MATN2: variants seen among roughly 807,000 people sequenced by gnomAD.
MATN2 encodes matrilin 2, also known as matrilin-2.
Under a neutral mutation model 103.2 loss-of-function variants are expected in MATN2, and 69 were observed. The observed-to-expected ratio is 0.67, with a 90% CI of 0.55 to 0.82. The LOEUF (loss-of-function observed/expected upper bound fraction) is 0.82. Ranked by LOEUF, MATN2 falls within the 40% of genes least tolerant of loss-of-function variation. The probability of loss-of-function intolerance (pLI) is 0.00; values close to 1 mark genes in which losing one functional copy is unlikely to be tolerated. For synonymous variants in MATN2, 429 were observed against 450.2 expected (o/e 0.95, Z 0.60); for missense variants, 1,023 against 1,211.5 (o/e 0.84, Z 2.31).
rs754086233 is a variant in MATN2, at chr8:98,007,593, C to T, written c.1565C>T (p.Thr522Met). The change falls in exon 10 of 19, where the codon ACG becomes ATG. Residue 522 changes from threonine to methionine, a missense_variant. Physicochemically the swap from Thr to Met is moderately conservative, Grantham distance 81. Coordinates refer to ENST00000254898, the MANE Select transcript of MATN2 (RefSeq NM_002380.5). The surrounding 1 kb of genome is among the most constrained non-coding windows in gnomAD (Gnocchi z 4.2). ...CACGTGCTCCGCAGCGATGGGAAGACGTGTGCAAGTAAGTGTCTGAAGGAC... is the reference window on the plus strand; with the variant it reads ...CACGTGCTCCGCAGCGATGGGAAGATGTGTGCAAGTAAGTGTCTGAAGGAC... The part of the protein sequence containing the change: ...EGHVLRSDGK[T>M]CAKLDSCALG... 1.3e-5 allele frequency: 21 copies of T among 1,610,892 alleles called. No homozygotes were observed. The East Asian group carries it at 3.6e-4, about 27-fold the overall frequency.
chr8:98,036,001 T>C lies in MATN2; in HGVS notation c.*289T>C. 3.7e-6 allele frequency: 1 copy of C among 272,088 alleles called. No individual in the cohort carries two copies. Among genetic ancestry groups the C allele is most frequent in the East Asian group, 6.5e-5 (1 of 15,370 alleles). The allele number at this position is 272,088 out of a possible 1,614,324, so 16.9% of individuals were successfully genotyped here. On this transcript the variant is annotated 3_prime_UTR_variant, in exon 19 of 19. Coordinates refer to ENST00000254898, the MANE Select transcript of MATN2 (RefSeq NM_002380.5). ...ACTGTGGACACAACTTGCTTCTGCCTCATCCTGCCTTAGTGTGCAATCTCA... is the reference window on the plus strand; with the variant it reads ...ACTGTGGACACAACTTGCTTCTGCCCCATCCTGCCTTAGTGTGCAATCTCA...
intron 14 of MATN2, among the ~76,000 whole-genome samples, chr8:98,030,195 T>A (rs1188949684): frequency 2.6e-5 from 4 of 152,234 alleles, no homozygotes; most frequent in African/African-American, 4.8e-5. Context: ...AGTTGCAGAT[T>A]TGTTAAATGG....
chr8:97,906,828 A>G (rs1373415530), intron 2 of MATN2, among the ~76,000 whole-genome samples: 2 of 152,074 alleles, frequency 1.3e-5, no homozygotes, highest in Non-Finnish European at 2.9e-5. Context: ...TTAATTACAG[A>G]ATAGGTGTCT....
Position 98,030,583 on chromosome 8 carries a change from A to T in MATN2, c.2478A>T (p.Ile826=), listed in dbSNP as rs983980155. The T allele has an allele frequency of 5.0e-6, 8 of 1,614,028 alleles. No homozygotes were observed. Among genetic ancestry groups the T allele is most frequent in the Non-Finnish European group, 6.8e-6 (8 of 1,179,890 alleles). Residue 826 remains isoleucine (I), a synonymous_variant, in exon 15 of 19, where the codon ATA becomes ATT. Transcript: ENST00000254898. ...AAGACTTCAGCACAATGGATGAGAT[A>T]AGTGAAAAACTCAAGAAAGGCATCT... ...YAEDFSTMDE[I]SEKLKKGICE...
intron 2 of MATN2, among the ~76,000 whole-genome samples, chr8:97,899,268 C>T (rs1199532079): frequency 3.3e-5 from 5 of 152,144 alleles, no homozygotes; most frequent in African/African-American, 1.2e-4. Context: ...CGTCACTGTA[C>T]CAGCATAGCT....
Position 98,030,520 on chromosome 8 carries a change from T to C in MATN2, c.2415T>C (p.Ile805=). 6.2e-7 allele frequency: 1 copy of C among 1,613,910 alleles called. No homozygotes were observed. Among genetic ancestry groups the C allele is most frequent in the South Asian group, 1.1e-5 (1 of 91,076 alleles). Residue 805 remains isoleucine (I), a synonymous_variant, in exon 15 of 19, where the codon ATT becomes ATC. Transcript: ENST00000254898. ...CCATTGAGGAGGAACTACAAGAGATTGCCTCTGAGCCCACAAACAAGCATC... is the reference window on the plus strand; with the variant it reads ...CCATTGAGGAGGAACTACAAGAGATCGCCTCTGAGCCCACAAACAAGCATC... The part of the protein sequence containing the change: ...GKAIEEELQE[I]ASEPTNKHLF...
At chr8:97,966,477 G>A (rs1811483337) in intron 5 of MATN2, among the ~76,000 whole-genome samples, 2 of 151,816 alleles carry the variant, frequency 1.3e-5, no homozygotes, top group Admixed American at 1.3e-4. Flanking sequence ...GGGGTGGGAG[G>A]ATTGCTTGAG....
chr8:97,978,740 C>G lies in MATN2; in HGVS notation c.959-146C>G, dbSNP rs558379719. 4 of 736,926 alleles carry G rather than the reference C, an allele frequency of 5.4e-6. No individual in the cohort carries two copies. The African/African-American group carries it at 7.1e-5, about 13-fold the overall frequency. The allele number at this position is 736,926 out of a possible 1,614,324, so 45.6% of individuals were successfully genotyped here. A position where few individuals can be genotyped will look rare whatever the true frequency, so the allele number is the denominator to read the frequency against. On this transcript the variant is annotated intron_variant, in intron 5 of 18. Coordinates refer to ENST00000254898, the MANE Select transcript of MATN2 (RefSeq NM_002380.5). ...TGATTTTTTTTGAGGGGGGCAGAGA[C>G]CTTGGGTTCATAACTGTTTATCCTA...
intron 12 of MATN2, 163 bp from the exon 13 acceptor site, chr8:98,021,042 C>A: frequency 1.7e-6 from 1 of 585,780 alleles, no homozygotes; most frequent in Non-Finnish European, 2.9e-6. Context: ...GGAGCTTTTT[C>A]CCCATCCTGA....
intron 5 of MATN2, among the ~76,000 whole-genome samples, chr8:97,963,686 G>A (rs1811388802): frequency 6.6e-6 from 1 of 152,138 alleles, no homozygotes; most frequent in African/African-American, 2.4e-5. Flanking sequence ...TTTTCTCAGT[G>A]GGGATCCAAT....
chr8:97,926,008 C>T (rs1259394853), intron 2 of MATN2, among the ~76,000 whole-genome samples: 1 of 152,202 alleles, frequency 6.6e-6, no homozygotes, highest in Admixed American at 6.5e-5. Flanking sequence ...TCTGATGTTG[C>T]ACATTGTCAT....
chr8:97,934,699 A>G (rs977069070), intron 3 of MATN2, among the ~76,000 whole-genome samples: 1 of 152,186 alleles, frequency 6.6e-6, no homozygotes, highest in Non-Finnish European at 1.5e-5. Context: ...TAAAAGGGAG[A>G]GAGGGAGGGC....
At chr8:97,944,248 G>A (rs763062770) in intron 4 of MATN2, among the ~76,000 whole-genome samples, 2 of 152,200 alleles carry the variant, frequency 1.3e-5, no homozygotes, top group Admixed American at 6.5e-5. Context: ...TCAATGAACC[G>A]ACGAATGACT....
At chr8:97,933,084 A>T (rs964686011) in intron 3 of MATN2, among the ~76,000 whole-genome samples, 2 of 152,230 alleles carry the variant, frequency 1.3e-5, no homozygotes, top group Non-Finnish European at 2.9e-5. Flanking sequence ...ACTAACTTCA[A>T]AAAGCACAGA....
chr8:97,989,292 A>T (rs1405069832), intron 6 of MATN2, among the ~76,000 whole-genome samples: 1 of 152,012 alleles, frequency 6.6e-6, no homozygotes, highest in Non-Finnish European at 1.5e-5. Context: ...ACACGGTGAA[A>T]CCCCGTCTCT....
At chr8:97,994,400 T>C in intron 6 of MATN2, 80 bp from the exon 7 acceptor site, 2 of 1,487,008 alleles carry the variant, frequency 1.3e-6, no homozygotes, top group Non-Finnish European at 1.8e-6. Context: ...TTTGGGAAAA[T>C]GAAGACTGGA....
chr8:97,906,805 G>A (rs985101706), intron 2 of MATN2, among the ~76,000 whole-genome samples: 2 of 152,218 alleles, frequency 1.3e-5, no homozygotes, highest in East Asian at 3.9e-4. Flanking sequence ...AAATAACCCT[G>A]TGTATGTTTC....
chr8:97,945,462 G>A (rs949004931), intron 4 of MATN2, among the ~76,000 whole-genome samples: 1 of 151,974 alleles, frequency 6.6e-6, no homozygotes, highest in Non-Finnish European at 1.5e-5. Flanking sequence ...TGACCCTAGA[G>A]GACCCCGACA....
chr8:97,994,602 A>G lies in MATN2; in HGVS notation c.1204A>G (p.Arg402Gly), dbSNP rs1457793276. The G allele has an allele frequency of 8.1e-6, 13 of 1,609,906 alleles. No individual in the cohort carries two copies. Among genetic ancestry groups the G allele is most frequent in the Non-Finnish European group, 1.1e-5 (13 of 1,178,916 alleles). The change falls in exon 7 of 19, where the codon AGG becomes GGG. Residue 402 changes from arginine (R) to glycine (G), a missense_variant and splice_region_variant. Coordinates refer to ENST00000254898, the MANE Select transcript of MATN2 (RefSeq NM_002380.5). ...TLNPDKKTCR[R>G]INYCALNKPG... ...GAATCCAGATAAGAAAACCTGCAGA[A>G]GTAAGTTACAGTGGGAGTTGGAGAA...
Sources: gnomAD v4.1 joint callset for allele counts (sites outside exome capture counted in the v4.1 genomes callset) on GRCh38, gnomAD v4.1.1 for gene constraint, Gnocchi (gnomAD v3.1) non-coding constraint, MANE v1.5 for transcripts, NCBI Gene and HGNC (gene_info 2026-07-23, HGNC 2026-07-21) for gene names.